The following ANK2 variants were observed in gnomAD, a reference collection of about 807,000 sequenced individuals.
ANK2 encodes ankyrin-2.
Under a neutral mutation model 360.5 loss-of-function variants are expected in ANK2, and 83 were observed. That is an observed-to-expected ratio of 0.23 (90% CI 0.19 to 0.28). The LOEUF (loss-of-function observed/expected upper bound fraction) is 0.28, where lower values mean the gene tolerates loss of function less well. Ranked by LOEUF, ANK2 falls within the 10% of genes least tolerant of loss-of-function variation. The probability of loss-of-function intolerance (pLI) is 1.00; values close to 1 mark genes in which losing one functional copy is unlikely to be tolerated. For missense variants in ANK2, 4,201 were observed against 4,795.7 expected (o/e 0.88, Z 3.66); for synonymous variants, 1,740 against 1,759.5 (o/e 0.99, Z 0.28).
At chr4:113,337,567 A>G (rs1246830335) in intron 31 of ANK2, among the ~76,000 whole-genome samples, 1 of 152,238 alleles carries the variant, frequency 6.6e-6, no homozygotes, top group African/African-American at 2.4e-5. Context: ...TAGTAGGAAC[A>G]GTAATCATCC....
intron 23 of ANK2, among the ~76,000 whole-genome samples, chr4:113,304,541 A>G (rs556747199): frequency 6.6e-6 from 1 of 152,304 alleles, no homozygotes; most frequent in Non-Finnish European, 1.5e-5. Flanking sequence ...ATATAATCTA[A>G]TGAACATTAT....
chr4:112,920,466 C>A (rs935777298), intron 2 of ANK2, among the ~76,000 whole-genome samples: 3 of 151,948 alleles, frequency 2.0e-5, no homozygotes, highest in African/African-American at 7.3e-5. Flanking sequence ...ATACATATAC[C>A]AGAGGATGTA....
At chr4:113,362,035 C>A (rs1470584589) in intron 39 of ANK2, among the ~76,000 whole-genome samples, 1 of 152,056 alleles carries the variant, frequency 6.6e-6, no homozygotes, top group East Asian at 1.9e-4. Flanking sequence ...ATATACAGTG[C>A]CTATATTTAT....
intron 2 of ANK2, chr4:112,979,524 T>A (rs2042457868): frequency 6.6e-6 from 1 of 152,242 alleles, no homozygotes; most frequent in Non-Finnish European, 1.5e-5. Context: ...TTCAGCCCTG[T>A]TTGTCTTACA....
At chr4:113,362,431 GTTATT>G (rs1375780553) in intron 39 of ANK2, among the ~76,000 whole-genome samples, 1 of 151,966 alleles carries the variant, frequency 6.6e-6, no homozygotes, top group Non-Finnish European at 1.5e-5. Flanking sequence ...TTTTTTGTTT[GTTATT>G]TTGTTTTTGT....
At chr4:113,277,966 A>G (rs776677487) in intron 16 of ANK2, 31 bp downstream of exon 16, 2 of 1,572,744 alleles carry the variant, frequency 1.3e-6, no homozygotes, top group African/African-American at 1.3e-5. Context: ...ATAATTATGT[A>G]ACAGTGAAGG....
At chr4:112,918,693 A>C (rs1014544549) in intron 2 of ANK2, among the ~76,000 whole-genome samples, 25 of 152,324 alleles carry the variant, frequency 1.6e-4, no homozygotes, top group Non-Finnish European at 2.9e-4. Flanking sequence ...TTTGAATGTT[A>C]TTTGGCATAT....
At position 113,097,881 on chromosome 4, in the gene ANK2, C is replaced by T. The variant is rs1355565919; in HGVS notation, c.84+48069C>T. ...GTGTGTGTGTGTATATATATGCACA[C>T]ACACACACACGCACACACACATATA... On this transcript the variant is annotated intron_variant, in intron 1 of 45. Transcript: ENST00000357077. Among the ~76,000 whole-genome samples, 123 of 114,748 alleles carry T rather than the reference C, an allele frequency of 1.1e-3. 1 individual carries two copies. The highest frequency in any genetic ancestry group is 2.1e-3 in the South Asian group (7 of 3,410). 75.3% of individuals were successfully genotyped at this position (114,748 alleles called of 152,430 possible).
At chr4:113,176,889 T>C (rs2098230172) in intron 2 of ANK2, among the ~76,000 whole-genome samples, 1 of 152,172 alleles carries the variant, frequency 6.6e-6, no homozygotes, top group Non-Finnish European at 1.5e-5. Context: ...TGTTTGGTTT[T>C]TTGTCCTTGA....
intron 2 of ANK2, among the ~76,000 whole-genome samples, chr4:112,994,206 G>C (rs1057485648): frequency 2.6e-5 from 4 of 152,120 alleles, no homozygotes; most frequent in African/African-American, 9.7e-5. Flanking sequence ...AATTGTCAAA[G>C]AAAAATTATA....
the ANK2 span, among the ~76,000 whole-genome samples, chr4:112,729,299 T>A: frequency 6.6e-6 from 1 of 151,828 alleles, no homozygotes; most frequent in Admixed American, 6.6e-5. Flanking sequence ...GAAAAAAAAA[T>A]AAAACTACCA....
the ANK2 span, among the ~76,000 whole-genome samples, chr4:112,804,339 C>G: frequency 6.6e-6 from 1 of 152,168 alleles, no homozygotes; most frequent in East Asian, 1.9e-4. Flanking sequence ...GTTTTTAAAA[C>G]AATACTTTAT....
At chr4:112,970,027 A>G (rs1302963732) in intron 2 of ANK2, among the ~76,000 whole-genome samples, 2 of 151,940 alleles carry the variant, frequency 1.3e-5, no homozygotes, top group Non-Finnish European at 2.9e-5. Context: ...TCTGTCGTCC[A>G]GGCTGGAGTG....
chr4:112,928,375 A>G (rs1441790285), intron 2 of ANK2, among the ~76,000 whole-genome samples: 2 of 151,970 alleles, frequency 1.3e-5, no homozygotes, highest in Non-Finnish European at 2.9e-5. Flanking sequence ...GTATGTAGTT[A>G]TCTAGTATAG....
At chr4:113,274,320 A>T (rs2059497755) in intron 14 of ANK2, 132 bp from the exon 15 acceptor site, 1 of 985,888 alleles carries the variant, frequency 1.0e-6, no homozygotes, top group Non-Finnish European at 1.6e-6. Flanking sequence ...CCATGGTTAA[A>T]GCAGTAATGA....
intron 2 of ANK2, among the ~76,000 whole-genome samples, chr4:112,997,912 T>C (rs952973435): frequency 6.6e-6 from 1 of 151,826 alleles, no homozygotes; most frequent in African/African-American, 2.4e-5. Flanking sequence ...GGGCTATTTT[T>C]TTTTTTTCTA....
intron 2 of ANK2, among the ~76,000 whole-genome samples, chr4:112,966,829 TCTTATTAAATATGGTATTA>T (rs1225407463): frequency 4.6e-5 from 7 of 152,330 alleles, no homozygotes; most frequent in African/African-American, 1.7e-4. Flanking sequence ...TGCTGTTAAA[TCTTATTAAATATGGTATTA>T]CTCCTTCTGA....
the ANK2 span, among the ~76,000 whole-genome samples, chr4:112,772,291 C>G: frequency 1.3e-5 from 2 of 152,070 alleles, no homozygotes; most frequent in African/African-American, 4.8e-5. Context: ...AATAAGTTTC[C>G]CTTTATAAAA....
chr4:113,251,110 G>C (rs78384620), intron 10 of ANK2, among the ~76,000 whole-genome samples: 1 of 152,040 alleles, frequency 6.6e-6, no homozygotes, highest in African/African-American at 2.4e-5. Context: ...ATAAAGAAAC[G>C]TTGAAATTTA....
Sources: gnomAD v4.1 joint callset for allele counts (sites outside exome capture counted in the v4.1 genomes callset) on GRCh38, gnomAD v4.1.1 for gene constraint, MANE v1.5 for transcripts, NCBI Gene and HGNC (gene_info 2026-07-23, HGNC 2026-07-21) for gene names.